Variants in RNLS observed in about 807,000 individuals in gnomAD.
RNLS encodes renalase.
RNLS carries 39 observed loss-of-function variants against 39.8 expected under a neutral mutation model. The ratio of observed to expected loss-of-function variants is 0.98; its 90% CI spans 0.76 to 1.28. The LOEUF (loss-of-function observed/expected upper bound fraction) is 1.28, where lower values mean the gene tolerates loss of function less well. Ranked by LOEUF, RNLS falls within the 50% of genes most tolerant of loss-of-function variation. The probability of loss-of-function intolerance (pLI) is 0.00; values close to 1 mark genes in which losing one functional copy is unlikely to be tolerated. For synonymous variants in RNLS, 147 were observed against 150.7 expected (o/e 0.98, Z 0.18); for missense variants, 410 against 413.3 (o/e 0.99, Z 0.07).
chr10:88,220,959 T>C, the RNLS span, among the ~76,000 whole-genome samples: 1 of 152,190 alleles, frequency 6.6e-6, no homozygotes, highest in Non-Finnish European at 1.5e-5. Flanking sequence ...GAGTTCGGAT[T>C]GAGTTTGAGG....
chr10:88,354,816 G>C (rs1086836), intron 5 of RNLS, among the ~76,000 whole-genome samples: 127,188 of 152,234 alleles, frequency 0.84, 53,255 homozygotes, highest in African/African-American at 0.88. Context: ...TGTTTTCCAA[G>C]TTGGTTCCAT....
At chr10:88,259,012 G>A in the RNLS span, 1 of 152,214 alleles carries the variant, frequency 6.6e-6, no homozygotes, top group Non-Finnish European at 1.5e-5. Flanking sequence ...TTTGTGTGGA[G>A]ACTTAAATCA....
rs61205511 is a variant in RNLS at position 88,485,755 on chromosome 10, CTG to C, written c.526+87146_526+87147del. ...AGCTCATTTTGCAGGTTAATTATAA[CTG>C]TGTGAGAATAACTTGTATCTAAAAA... On this transcript the variant is annotated intron_variant, in intron 4 of 6. Coordinates refer to ENST00000331772, the MANE Select transcript of RNLS (RefSeq NM_001031709.3). 2.2e-3 allele frequency among the ~76,000 whole-genome samples: 332 copies of C among 150,314 alleles called. 1 individual carries two copies. Among genetic ancestry groups the C allele is most frequent in the African/African-American group, 7.8e-3 (318 of 40,984 alleles).
chr10:88,261,010 A>T, the RNLS span, among the ~76,000 whole-genome samples: 1 of 152,236 alleles, frequency 6.6e-6, no homozygotes, highest in South Asian at 2.1e-4. Context: ...TAGGGGATGG[A>T]GATATTAACA....
intron 5 of RNLS, among the ~76,000 whole-genome samples, chr10:88,335,217 C>CT (rs201292062): frequency 0.013 from 1,863 of 143,182 alleles, 56 homozygotes; most frequent in East Asian, 0.12. Context: ...TTTTCTTTTA[C>CT]TTTTTTTTTT....
At chr10:88,265,149 T>C in the RNLS span, among the ~76,000 whole-genome samples, 9 of 112,174 alleles carry the variant, frequency 8.0e-5, no homozygotes, top group African/African-American at 2.1e-4. Context: ...GCTGTGAGTA[T>C]TTAGGTTTAT....
At chr10:88,298,492 T>C (rs1844253866) in intron 6 of RNLS, among the ~76,000 whole-genome samples, 1 of 152,210 alleles carries the variant, frequency 6.6e-6, no homozygotes, top group African/African-American at 2.4e-5. Context: ...TTTTGATCCA[T>C]TTTGGGTGAA....
chr10:88,241,041 A>G, the RNLS span, among the ~76,000 whole-genome samples: 1 of 150,736 alleles, frequency 6.6e-6, no homozygotes, highest in Non-Finnish European at 1.5e-5. Context: ...ATTATTTTCT[A>G]TGATATTTAT....
At chr10:88,380,663 C>T (rs771808724) in intron 4 of RNLS, among the ~76,000 whole-genome samples, 5 of 152,036 alleles carry the variant, frequency 3.3e-5, no homozygotes, top group Admixed American at 3.3e-4. Context: ...GGATTACAGG[C>T]GTGAGCCACT....
intron 3 of RNLS, among the ~76,000 whole-genome samples, chr10:88,575,806 A>AG (rs34272895): frequency 5.4e-5 from 2 of 37,374 alleles, no homozygotes. Context: ...CATCGCACTT[A>AG]GAGTATAAAA....
chr10:88,212,459 T>C, the RNLS span, among the ~76,000 whole-genome samples: 1 of 152,210 alleles, frequency 6.6e-6, no homozygotes, highest in Non-Finnish European at 1.5e-5. Context: ...TTTTAAATGG[T>C]ACAACCAATA....
intron 5 of RNLS, among the ~76,000 whole-genome samples, chr10:88,354,946 C>T (rs866969914): frequency 1.4e-4 from 22 of 152,140 alleles, no homozygotes; most frequent in Middle Eastern, 3.2e-3. Context: ...CTTCTCTTCT[C>T]GCTTCATTTC....
chr10:88,274,861 G>T, exon 7 of RNLS: 2 of 844,774 alleles, frequency 2.4e-6, no homozygotes, highest in Admixed American at 2.0e-5. Context: ...TTTATCTTCT[G>T]TTTTGCTTCT....
At chr10:88,486,656 T>C (rs563347889) in intron 4 of RNLS, among the ~76,000 whole-genome samples, 1 of 151,982 alleles carries the variant, frequency 6.6e-6, no homozygotes, top group Non-Finnish European at 1.5e-5. Context: ...AAAACCACAA[T>C]GAGATACTGT....
intron 4 of RNLS, among the ~76,000 whole-genome samples, chr10:88,497,042 T>G (rs1845212829): frequency 6.6e-6 from 1 of 152,024 alleles, no homozygotes; most frequent in African/African-American, 2.4e-5. Flanking sequence ...CATTATGTAA[T>G]GAGTCCCAGG....
At chr10:88,474,844 T>G (rs1843721960) in intron 4 of RNLS, among the ~76,000 whole-genome samples, 1 of 152,188 alleles carries the variant, frequency 6.6e-6, no homozygotes. Flanking sequence ...CTTAGTCAAG[T>G]TGGCTATAGT....
chr10:88,381,227 A>T (rs1362386249), intron 4 of RNLS, among the ~76,000 whole-genome samples: 4 of 152,162 alleles, frequency 2.6e-5, no homozygotes, highest in Non-Finnish European at 5.9e-5. Context: ...ATGTGTAGCA[A>T]ACTGACATAT....
chr10:88,370,608 G>A (rs994278664), intron 4 of RNLS, among the ~76,000 whole-genome samples: 13 of 152,112 alleles, frequency 8.5e-5, no homozygotes, highest in South Asian at 4.1e-4. Flanking sequence ...TTCCAAGAAC[G>A]TCAAGAAATG....
the RNLS span, among the ~76,000 whole-genome samples, chr10:88,217,737 T>TAAA: frequency 8.9e-5 from 2 of 22,418 alleles, no homozygotes; most frequent in Non-Finnish European, 8.6e-5. Flanking sequence ...TGCCTTCAAA[T>TAAA]GAAAAAAAAA....
Sources: gnomAD v4.1 joint callset for allele counts (sites outside exome capture counted in the v4.1 genomes callset) on GRCh38, gnomAD v4.1.1 for gene constraint, MANE v1.5 for transcripts, NCBI Gene and HGNC (gene_info 2026-07-23, HGNC 2026-07-21) for gene names.